The following ADAMTS2 variants were observed in gnomAD, a reference collection of about 807,000 sequenced individuals.
ADAMTS2 encodes the protein A disintegrin and metalloproteinase with thrombospondin motifs 2.
A neutral mutation model predicts 123.0 loss-of-function variants in ADAMTS2; 50 were observed. That is an observed-to-expected ratio of 0.41 (90% CI 0.32 to 0.51). The LOEUF (loss-of-function observed/expected upper bound fraction) is 0.51, where lower values mean the gene tolerates loss of function less well. Among genes scored for constraint, ADAMTS2 ranks in the 20% least tolerant of loss-of-function variants. ADAMTS2 has a pLI of 0.35. For synonymous variants in ADAMTS2, 678 were observed against 695.4 expected (o/e 0.98, Z 0.39); for missense variants, 1,494 against 1,705.2 (o/e 0.88, Z 2.18).
chr5:179,307,568 T>C lies in ADAMTS2; in HGVS notation c.535-34504A>G, dbSNP rs1319757984. Among the ~76,000 whole-genome samples, 1 of 152,050 alleles carries C rather than the reference T, an allele frequency of 6.6e-6. No individual in the cohort carries two copies. The highest frequency in any genetic ancestry group is 1.5e-5 in the Non-Finnish European group (1 of 67,984). On this transcript the variant is annotated intron_variant, in intron 2 of 21. Transcript: ENST00000251582. This position sits in a 1 kb window ranked among gnomAD's most constrained non-coding sequence, Gnocchi z 5.6. ...TGCTCCTCACGGCTGCCCCACAGAA[T>C]CTCTGAAACACGACTCAGACCTGTC... is the stretch of plus-strand genomic sequence containing the variant.
At chr5:179,179,884 G>C (rs1345422140) in intron 5 of ADAMTS2, among the ~76,000 whole-genome samples, 4 of 152,164 alleles carry the variant, frequency 2.6e-5, no homozygotes, top group African/African-American at 9.7e-5. Context: ...TCTTTGAACA[G>C]AGTTCAACTT....
intron 4 of ADAMTS2, among the ~76,000 whole-genome samples, chr5:179,198,084 G>A (rs945553965): frequency 1.3e-5 from 2 of 152,130 alleles, no homozygotes; most frequent in African/African-American, 2.4e-5. Flanking sequence ...GTACTTCAGG[G>A]AGTATGTTTC....
At position 179,345,427 on chromosome 5, in the gene ADAMTS2, AG is replaced by A; in HGVS notation, c.-100del. ...TCTGGGGGCAGCTGGAGCCGCCCGC[AG>A]CTGCAGCACCGCAGGGCGCGGGGCG... is the stretch of plus-strand genomic sequence containing the variant. On this transcript the variant is annotated 5_prime_UTR_variant, in exon 1 of 22. Coordinates refer to ENST00000251582, the MANE Select transcript of ADAMTS2 (RefSeq NM_014244.5). The surrounding 1 kb of genome is among the most constrained non-coding windows in gnomAD (Gnocchi z 7.5). 1.0e-6 allele frequency: 1 copy of A among 970,832 alleles called. No individual in the cohort carries two copies. The highest frequency in any genetic ancestry group is 4.7e-5 in the South Asian group (1 of 21,394). 60.1% of individuals were successfully genotyped at this position (970,832 alleles called of 1,614,324 possible). A position where few individuals can be genotyped will look rare whatever the true frequency, so the allele number is the denominator to read the frequency against.
intron 3 of ADAMTS2, among the ~76,000 whole-genome samples, chr5:179,224,685 T>C (rs60783389): frequency 2.6e-5 from 4 of 152,206 alleles, no homozygotes; most frequent in Non-Finnish European, 4.4e-5. Context: ...CTTATTTTTG[T>C]AAGGAAGTGA....
At chr5:179,171,895 G>A (rs527853277) in intron 5 of ADAMTS2, among the ~76,000 whole-genome samples, 16 of 152,286 alleles carry the variant, frequency 1.1e-4, no homozygotes, top group Admixed American at 3.3e-4. Flanking sequence ...AGGCTGAGGG[G>A]CCTGGGAACA....
chr5:179,221,072 T>A (rs932422187), intron 3 of ADAMTS2, among the ~76,000 whole-genome samples: 3 of 152,156 alleles, frequency 2.0e-5, no homozygotes, highest in African/African-American at 7.2e-5. Flanking sequence ...AGGCTCTTCC[T>A]AGCTGATTGT....
intron 5 of ADAMTS2, among the ~76,000 whole-genome samples, chr5:179,164,820 T>C (rs1375801113): frequency 6.6e-6 from 1 of 152,266 alleles, no homozygotes; most frequent in East Asian, 1.9e-4. Flanking sequence ...AAAACAACCA[T>C]CCGCAAACTC....
chr5:179,163,952 G>A (rs1763648613), intron 5 of ADAMTS2, among the ~76,000 whole-genome samples: 2 of 152,110 alleles, frequency 1.3e-5, no homozygotes, highest in Admixed American at 6.5e-5. Context: ...ACAGGGAGGG[G>A]AAGCTGCACT....
intron 2 of ADAMTS2, among the ~76,000 whole-genome samples, chr5:179,322,197 G>C (rs962985808): frequency 3.3e-5 from 5 of 152,214 alleles, no homozygotes; most frequent in Non-Finnish European, 5.9e-5. Flanking sequence ...CTTAAAGACA[G>C]GACAAAAAGT....
intron 2 of ADAMTS2, among the ~76,000 whole-genome samples, chr5:179,322,439 C>T (rs2113595766): frequency 6.6e-6 from 1 of 152,338 alleles, no homozygotes; most frequent in Admixed American, 6.5e-5. Flanking sequence ...CCTCCCCCAC[C>T]CAGGTCCGCA....
At chr5:179,230,685 T>C (rs971650251) in intron 3 of ADAMTS2, among the ~76,000 whole-genome samples, 4 of 152,200 alleles carry the variant, frequency 2.6e-5, no homozygotes, top group Non-Finnish European at 5.9e-5. Flanking sequence ...ACCATTCATG[T>C]ACTGTCAGGC....
At chr5:179,198,541 A>C (rs975137764) in intron 4 of ADAMTS2, among the ~76,000 whole-genome samples, 4 of 151,972 alleles carry the variant, frequency 2.6e-5, no homozygotes, top group Admixed American at 2.6e-4. Context: ...GTGTGCTCAA[A>C]CTCCAGTGTA....
At chr5:179,174,372 T>C (rs1332457238) in intron 5 of ADAMTS2, among the ~76,000 whole-genome samples, 1 of 152,168 alleles carries the variant, frequency 6.6e-6, no homozygotes, top group East Asian at 1.9e-4. Flanking sequence ...TTTCATTGTG[T>C]TTTTTGACAG....
chr5:179,243,978 A>G (rs1055569405), intron 3 of ADAMTS2, among the ~76,000 whole-genome samples: 8 of 152,196 alleles, frequency 5.3e-5, no homozygotes, highest in Admixed American at 6.5e-5. Context: ...TTTGAAGGAC[A>G]CAGGGAAAAA....
intron 2 of ADAMTS2, among the ~76,000 whole-genome samples, chr5:179,286,688 G>A (rs1366835161): frequency 1.3e-5 from 2 of 152,132 alleles, no homozygotes; most frequent in Non-Finnish European, 2.9e-5. Flanking sequence ...CGGGGCCGGC[G>A]CCTTCCCTAG....
At chr5:179,227,087 A>T (rs1225879964) in intron 3 of ADAMTS2, among the ~76,000 whole-genome samples, 3 of 151,498 alleles carry the variant, frequency 2.0e-5, no homozygotes, top group Non-Finnish European at 4.4e-5. Flanking sequence ...TGAGCCAGAG[A>T]TTCTAATCCT....
In ADAMTS2 at chr5:179,153,502, T is replaced by A; in HGVS notation, c.1504A>T (p.Met502Leu). Residue 502 changes from methionine to leucine, a missense_variant, in exon 9 of 22, where the codon ATG becomes TTG. This residue lies in a region of ADAMTS2 where 953 missense variants were observed against 1,124.7 expected (regional missense o/e 0.85). Coordinates refer to ENST00000251582, the MANE Select transcript of ADAMTS2 (RefSeq NM_014244.5). ...CRFDFGLGYM[M>L]CTAFRTFDPC... ...GGCTGCACACTCACCGCCGTGCACA[T>A]CATGTAGCCCAGGCCGAAGTCAAAG... 1 of 1,609,310 alleles carries A rather than the reference T, an allele frequency of 6.2e-7. No individual in the cohort carries two copies. Among genetic ancestry groups the A allele is most frequent in the Non-Finnish European group, 8.5e-7 (1 of 1,179,780 alleles).
At chr5:179,341,595 C>T (rs971429020) in intron 2 of ADAMTS2, among the ~76,000 whole-genome samples, 1 of 151,926 alleles carries the variant, frequency 6.6e-6, no homozygotes, top group African/African-American at 2.4e-5. Context: ...CGCCTGTAGT[C>T]CCTGCTACTT....
intron 3 of ADAMTS2, among the ~76,000 whole-genome samples, chr5:179,226,694 C>A (rs1765300240): frequency 1.3e-5 from 2 of 152,210 alleles, no homozygotes; most frequent in Non-Finnish European, 2.9e-5. Flanking sequence ...ATCCAGCCAA[C>A]CATCCTAGGG....
Sources: gnomAD v4.1 joint callset for allele counts (sites outside exome capture counted in the v4.1 genomes callset) on GRCh38, gnomAD v4.1.1 for gene constraint, gnomAD v4.1.1 regional missense constraint, Gnocchi (gnomAD v3.1) non-coding constraint, MANE v1.5 for transcripts, NCBI Gene and HGNC (gene_info 2026-07-23, HGNC 2026-07-21) for gene names.